The following AGBL1 variants were observed in gnomAD, a reference collection of about 807,000 sequenced individuals.
AGBL1 encodes the protein AGBL carboxypeptidase 1.
In AGBL1, 130 loss-of-function variants were observed where a neutral mutation model predicts 118.9. That is an observed-to-expected ratio of 1.09 (90% CI 0.95 to 1.26). The LOEUF is 1.26. Among genes scored for constraint, AGBL1 ranks in the 50% most tolerant of loss-of-function variants. The pLI is 0.00. For missense variants in AGBL1, 1,584 were observed against 1,298.1 expected (o/e 1.22, Z -3.38); for synonymous variants, 555 against 478.9 (o/e 1.16, Z -2.08).
chr15:86,357,661 C>T (rs1272415614), intron 17 of AGBL1, among the ~76,000 whole-genome samples: 1 of 152,106 alleles, frequency 6.6e-6, no homozygotes, highest in East Asian at 1.9e-4. Flanking sequence ...CTTTACCTTT[C>T]TAATATCTTC....
intron 17 of AGBL1, among the ~76,000 whole-genome samples, chr15:86,334,604 A>C (rs1005897464): frequency 6.6e-6 from 1 of 152,228 alleles, no homozygotes; most frequent in Non-Finnish European, 1.5e-5. Flanking sequence ...TATATTTTCT[A>C]TGCTATTCCT....
intron 21 of AGBL1, among the ~76,000 whole-genome samples, chr15:86,610,898 C>T (rs2084645995): frequency 6.6e-6 from 1 of 152,112 alleles, no homozygotes; most frequent in African/African-American, 2.4e-5. Context: ...TTCTCAAAGT[C>T]TGCTCCCTGA....
chr15:86,802,653 G>C (rs1421081496), intron 22 of AGBL1, among the ~76,000 whole-genome samples: 6 of 152,108 alleles, frequency 3.9e-5, no homozygotes, highest in Non-Finnish European at 8.8e-5. Flanking sequence ...CATTGTTTCT[G>C]ACCTCACAGT....
chr15:86,082,160 G>C (rs558797512), intron 1 of AGBL1, among the ~76,000 whole-genome samples: 1 of 152,170 alleles, frequency 6.6e-6, no homozygotes, highest in African/African-American at 2.4e-5. Flanking sequence ...ACTCTGAAAC[G>C]CTTTTTAAAA....
chr15:86,112,250 C>T (rs1897433670), intron 1 of AGBL1, among the ~76,000 whole-genome samples: 1 of 152,190 alleles, frequency 6.6e-6, no homozygotes, highest in South Asian at 2.1e-4. Context: ...TCCCTGGTGT[C>T]AAAAAGGCTG....
At chr15:86,382,494 C>T (rs2081126206) in intron 17 of AGBL1, among the ~76,000 whole-genome samples, 2 of 152,058 alleles carry the variant, frequency 1.3e-5, no homozygotes, top group African/African-American at 4.8e-5. Context: ...GCCCAGTCAT[C>T]TGTAAATATA....
At chr15:86,530,772 G>C (rs1274217734) in intron 19 of AGBL1, among the ~76,000 whole-genome samples, 1 of 142,352 alleles carries the variant, frequency 7.0e-6, no homozygotes, top group Admixed American at 6.9e-5. Context: ...TCAGACCACA[G>C]TGCAATCAAA....
intron 9 of AGBL1, among the ~76,000 whole-genome samples, chr15:86,259,392 G>A (rs2078947773): frequency 6.6e-6 from 1 of 152,164 alleles, no homozygotes; most frequent in African/African-American, 2.4e-5. Flanking sequence ...TAAAATAAGA[G>A]TCAGTAAATT....
intron 17 of AGBL1, among the ~76,000 whole-genome samples, chr15:86,372,308 C>T (rs1181885078): frequency 6.6e-6 from 1 of 152,184 alleles, no homozygotes; most frequent in Non-Finnish European, 1.5e-5. Flanking sequence ...GTTTCCCCTT[C>T]TTTCCCTCCT....
chr15:86,683,497 ATTTTACAAGTGACTCCATGGG>A (rs2085998916), intron 22 of AGBL1, among the ~76,000 whole-genome samples: 1 of 152,126 alleles, frequency 6.6e-6, no homozygotes, highest in East Asian at 1.9e-4. Flanking sequence ...AATAATGCCT[ATTTTACAAGTGACTCCATGGG>A]AGTCCAGGGA....
chr15:87,007,123 A>T (rs1017991442), intron 24 of AGBL1, among the ~76,000 whole-genome samples: 3 of 152,208 alleles, frequency 2.0e-5, no homozygotes, highest in African/African-American at 4.8e-5. Context: ...CACAGAAATT[A>T]TGCCTTTTTA....
At chr15:86,760,357 T>C (rs990987616) in intron 22 of AGBL1, among the ~76,000 whole-genome samples, 1 of 152,018 alleles carries the variant, frequency 6.6e-6, no homozygotes, top group Non-Finnish European at 1.5e-5. Context: ...TCATCACTTG[T>C]AGGAAATCAT....
At chr15:86,808,034 G>A (rs1211553523) in intron 22 of AGBL1, among the ~76,000 whole-genome samples, 1 of 152,042 alleles carries the variant, frequency 6.6e-6, no homozygotes, top group Non-Finnish European at 1.5e-5. Context: ...TACCAACCTT[G>A]ATGAGTTAGA....
chr15:86,238,893 A>G (rs1428652847), intron 6 of AGBL1, among the ~76,000 whole-genome samples: 2 of 152,120 alleles, frequency 1.3e-5, no homozygotes, highest in South Asian at 2.1e-4. Context: ...GGCTCAAGCA[A>G]TGCTTCTGCC....
intron 21 of AGBL1, among the ~76,000 whole-genome samples, chr15:86,671,385 A>G (rs1049396610): frequency 7.9e-5 from 12 of 152,224 alleles, no homozygotes; most frequent in African/African-American, 2.7e-4. Flanking sequence ...TGTGCAAAAT[A>G]AAACCTCGTT....
intron 21 of AGBL1, among the ~76,000 whole-genome samples, chr15:86,571,044 C>A (rs1230025821): frequency 6.6e-6 from 1 of 152,170 alleles, no homozygotes; most frequent in East Asian, 1.9e-4. Context: ...CAGGTGCTGG[C>A]ATGGACACGG....
At chr15:86,100,353 A>C (rs1896638179) in intron 1 of AGBL1, among the ~76,000 whole-genome samples, 1 of 152,184 alleles carries the variant, frequency 6.6e-6, no homozygotes, top group African/African-American at 2.4e-5. Flanking sequence ...AGAATGAATT[A>C]GGGAGAATTC....
At chr15:86,585,438 G>T (rs2084231730) in intron 21 of AGBL1, among the ~76,000 whole-genome samples, 1 of 152,098 alleles carries the variant, frequency 6.6e-6, no homozygotes, top group Non-Finnish European at 1.5e-5. Flanking sequence ...TCTCTGCCCA[G>T]GCTGGAGTGC....
intron 18 of AGBL1, among the ~76,000 whole-genome samples, chr15:86,457,798 AC>A (rs2142080020): frequency 6.6e-6 from 1 of 152,292 alleles, no homozygotes; most frequent in South Asian, 2.1e-4. Flanking sequence ...TTAATAATCT[AC>A]CAGCAAAAGA....
Sources: gnomAD v4.1 joint callset for allele counts (sites outside exome capture counted in the v4.1 genomes callset) on GRCh38, gnomAD v4.1.1 for gene constraint, MANE v1.5 for transcripts, NCBI Gene and HGNC (gene_info 2026-07-23, HGNC 2026-07-21) for gene names.